PIK3C3: variants seen among roughly 807,000 people sequenced by gnomAD.
The protein encoded by PIK3C3 is PI3-kinase type 3.
In PIK3C3, 95 loss-of-function variants were observed where a neutral mutation model predicts 126.1. The observed-to-expected ratio is 0.75, with a 90% confidence interval of 0.64 to 0.89. The LOEUF (loss-of-function observed/expected upper bound fraction) is 0.89. Ranked by LOEUF, PIK3C3 falls within the 40% of genes least tolerant of loss-of-function variation. PIK3C3 has a pLI of 0.00. For synonymous variants in PIK3C3, 374 were observed against 360.0 expected, an observed-to-expected ratio of 1.04 and a Z score of -0.44; for missense variants, 829 against 1,063.2, an observed-to-expected ratio of 0.78 and a Z score of 3.06.
Position 42,013,511 on chromosome 18 carries a change from G to A in PIK3C3, c.1240G>A (p.Gly414Arg). ...TGAAAATTTTGATGATATAAAGAAT[G>A]GATTGGAACCTACCAAGAAGGATAG... Reference protein sequence around the residue: ...KYENFDDIKNGLEPTKKDSQS... With the variant: ...KYENFDDIKNRLEPTKKDSQS... Residue 414 changes from glycine (G) to arginine (R), a missense_variant, in exon 11 of 25, where the codon GGA becomes AGA. By Grantham distance (125) the Gly-to-Arg change is moderately radical. This residue lies in a region of PIK3C3 where 256 missense variants were observed against 291.0 expected (regional missense o/e 0.88). Transcript: ENST00000262039. The A allele has an allele frequency of 6.3e-7, 1 of 1,593,608 alleles. No homozygotes were observed.
intron 7 of PIK3C3, 107 bp downstream of exon 7, chr18:41,993,448 T>C (rs143626084): frequency 4.4e-6 from 3 of 683,516 alleles, no homozygotes; most frequent in African/African-American, 3.6e-5. Context: ...ACTGCCTCCG[T>C]TACCTAAAAG....
At chr18:42,048,880 A>G (rs1984671150) in intron 20 of PIK3C3, among the ~76,000 whole-genome samples, 1 of 152,228 alleles carries the variant, frequency 6.6e-6, no homozygotes. Context: ...AGTTAAAAAA[A>G]CAAACTCCAA....
chr18:41,991,693 ATC>A (rs1233532522), intron 6 of PIK3C3, among the ~76,000 whole-genome samples: 1 of 152,122 alleles, frequency 6.6e-6, no homozygotes, highest in African/African-American at 2.4e-5. Context: ...TTTATTTATG[ATC>A]TTTTTTCAAG....
chr18:42,024,317 T>G (rs1419889264), intron 13 of PIK3C3, among the ~76,000 whole-genome samples: 1 of 152,226 alleles, frequency 6.6e-6, no homozygotes, highest in Non-Finnish European at 1.5e-5. Context: ...ACCTCAGAAA[T>G]GATTCAAATC....
At position 42,082,886 on chromosome 18, in the gene PIK3C3, T is replaced by C. The variant is rs1171926378; in HGVS notation, c.*1749T>C. On this transcript the variant is annotated 3_prime_UTR_variant, in exon 25 of 25. Coordinates refer to ENST00000262039, the MANE Select transcript of PIK3C3 (RefSeq NM_002647.4). ...ACAGCACTCTGCATAGATATGACCATGTTTATAAGGAACTCAATAAATAAT... is the reference window on the plus strand; with the variant it reads ...ACAGCACTCTGCATAGATATGACCACGTTTATAAGGAACTCAATAAATAAT... 1 of 152,196 alleles carries C rather than the reference T, an allele frequency of 6.6e-6. No individual in the cohort carries two copies. Among genetic ancestry groups the C allele is most frequent in the Non-Finnish European group, 1.5e-5 (1 of 68,036 alleles). 9.4% of individuals were successfully genotyped at this position (152,196 alleles called of 1,614,324 possible).
intron 4 of PIK3C3, among the ~76,000 whole-genome samples, chr18:41,981,992 A>C (rs543438519): frequency 3.9e-5 from 6 of 152,176 alleles, no homozygotes; most frequent in Admixed American, 6.5e-5. Flanking sequence ...TCAAAAAAAA[A>C]AAGGTACTGC....
At chr18:41,986,299 T>C (rs192879860) in intron 4 of PIK3C3, among the ~76,000 whole-genome samples, 3 of 152,174 alleles carry the variant, frequency 2.0e-5, no homozygotes, top group African/African-American at 7.2e-5. Flanking sequence ...TAAACTCTTA[T>C]TACTAATTTT....
chr18:41,973,596 C>T (rs647084), intron 4 of PIK3C3, among the ~76,000 whole-genome samples: 13,685 of 152,008 alleles, frequency 0.09, 2,011 homozygotes, highest in African/African-American at 0.31. Context: ...AGATACTTAA[C>T]TTGTTCTTAC....
intron 4 of PIK3C3, among the ~76,000 whole-genome samples, chr18:41,979,427 A>G (rs954340484): frequency 3.9e-5 from 6 of 152,166 alleles, no homozygotes; most frequent in Non-Finnish European, 7.4e-5. Context: ...AGATCAGTCA[A>G]TGTTTTGGAT....
intron 2 of PIK3C3, among the ~76,000 whole-genome samples, chr18:41,958,466 G>A (rs1000428071): frequency 5.3e-5 from 8 of 152,188 alleles, no homozygotes; most frequent in Non-Finnish European, 8.8e-5. Flanking sequence ...AAGACAGGAT[G>A]TGACCACATG....
At chr18:41,994,373 CTAAG>C (rs1981926479) in intron 7 of PIK3C3, among the ~76,000 whole-genome samples, 1 of 152,064 alleles carries the variant, frequency 6.6e-6, no homozygotes, top group Admixed American at 6.6e-5. Flanking sequence ...AGAGCACACA[CTAAG>C]TATGAAGAAA....
At position 42,081,785 on chromosome 18, in the gene PIK3C3, G is replaced by T. The variant is rs73451089; in HGVS notation, c.*648G>T. On this transcript the variant is annotated 3_prime_UTR_variant, in exon 25 of 25. Coordinates refer to ENST00000262039, the MANE Select transcript of PIK3C3 (RefSeq NM_002647.4). The stretch of plus-strand genomic sequence containing the variant: ...CTACAGTTAATAGTTCTTCTAGCTT[G>T]TAAGTGTGTAAAGTAGAATATGAAA... 1 of 152,152 alleles carries T rather than the reference G, an allele frequency of 6.6e-6. No homozygotes were observed. Among genetic ancestry groups the T allele is most frequent in the Admixed American group, 6.5e-5 (1 of 15,274 alleles). 9.4% of individuals were successfully genotyped at this position (152,152 alleles called of 1,614,324 possible).
intron 10 of PIK3C3, among the ~76,000 whole-genome samples, chr18:42,013,062 G>T (rs1982904010): frequency 6.6e-6 from 1 of 150,932 alleles, no homozygotes; most frequent in Non-Finnish European, 1.5e-5. Flanking sequence ...TGAAAAAAAG[G>T]ATCCTTCTAT....
chr18:41,959,495 G>T (rs9950019), intron 2 of PIK3C3, among the ~76,000 whole-genome samples: 7 of 152,112 alleles, frequency 4.6e-5, no homozygotes, highest in Non-Finnish European at 8.8e-5. Flanking sequence ...AAGCTATGTA[G>T]ACAATAGATT....
At chr18:41,958,368 T>C (rs1339744073) in intron 2 of PIK3C3, among the ~76,000 whole-genome samples, 1 of 152,160 alleles carries the variant, frequency 6.6e-6, no homozygotes. Flanking sequence ...GCAGTTCTGA[T>C]GTTTGATCAG....
intron 3 of PIK3C3, among the ~76,000 whole-genome samples, chr18:41,969,796 A>T (rs1598853339): frequency 6.6e-6 from 1 of 152,264 alleles, no homozygotes; most frequent in South Asian, 2.1e-4. Flanking sequence ...AAGTCCTTTT[A>T]TCCTATTTTA....
intron 2 of PIK3C3, among the ~76,000 whole-genome samples, chr18:41,960,868 A>G (rs913714048): frequency 2.0e-5 from 3 of 151,876 alleles, no homozygotes; most frequent in African/African-American, 7.3e-5. Context: ...CAGCCTCCCA[A>G]GTAGCTGGGA....
At chr18:42,053,994 A>G (rs1984920679) in intron 21 of PIK3C3, among the ~76,000 whole-genome samples, 1 of 151,064 alleles carries the variant, frequency 6.6e-6, no homozygotes, top group Non-Finnish European at 1.5e-5. Context: ...ACTTTAGAGT[A>G]ATACACTTTG....
In PIK3C3 at chr18:42,038,844, AAAC is replaced by A; in HGVS notation, c.2034_2036del (p.Lys678_His679delinsAsn). 1.3e-6 allele frequency: 2 copies of A among 1,581,224 alleles called. No individual in the cohort carries two copies. Among genetic ancestry groups the A allele is most frequent in the Non-Finnish European group, 1.7e-6 (2 of 1,152,198 alleles). ...TTATAAGGTGTTAGCCACCAGTACA[AAAC>A]ATGGTAAGTGTATTTTACATCATTA... is the stretch of plus-strand genomic sequence containing the variant. On this transcript the variant is annotated inframe_deletion, in exon 18 of 25. Coordinates refer to ENST00000262039, the MANE Select transcript of PIK3C3 (RefSeq NM_002647.4).
Sources: allele counts gnomAD v4.1 joint callset (sites outside exome capture counted in the v4.1 genomes callset), GRCh38; gene constraint gnomAD v4.1.1; regional missense constraint gnomAD v4.1.1; transcripts MANE v1.5; gene names NCBI Gene and HGNC (gene_info 2026-07-23, HGNC 2026-07-21).